The following DPP6 variants were observed in gnomAD, a reference collection of about 807,000 sequenced individuals.
DPP6 encodes the protein A-type potassium channel modulatory protein DPP6.
Under a neutral mutation model 122.6 loss-of-function variants are expected in DPP6, and 69 were observed. That is an observed-to-expected ratio of 0.56 (90% CI 0.46 to 0.69). The LOEUF is 0.69. DPP6 is among the 30% of genes least tolerant of loss of function. The pLI is 0.00. For missense variants in DPP6, 928 were observed against 1,116.9 expected (o/e 0.83, Z 2.41); for synonymous variants, 418 against 433.1 (o/e 0.97, Z 0.43).
the DPP6 span, among the ~76,000 whole-genome samples, chr7:153,814,362 T>A: frequency 6.8e-6 from 1 of 146,358 alleles, no homozygotes; most frequent in African/African-American, 2.6e-5. Flanking sequence ...CTAGAAGAAA[T>A]GGATAAATTC....
intron 1 of DPP6, among the ~76,000 whole-genome samples, chr7:154,016,083 C>T (rs550857977): frequency 9.8e-5 from 15 of 152,310 alleles, no homozygotes; most frequent in Non-Finnish European, 1.6e-4. Flanking sequence ...TCCTCTGCCC[C>T]GAAGGCTCTC....
rs142554294 is a variant in DPP6, at chr7:154,634,769, C to T, written c.628-3052C>T. ...ATAGGGTTATTTTAATTGCTCTCCC[C>T]GTTTCTTATGAGCACCACTTAAAAG... is the stretch of plus-strand genomic sequence containing the variant. On this transcript the variant is annotated intron_variant, in intron 5 of 25. Transcript: ENST00000377770. Among the ~76,000 whole-genome samples, 144 of 151,862 alleles carry T rather than the reference C, an allele frequency of 9.5e-4. 1 individual carries two copies. Among genetic ancestry groups the T allele is most frequent in the African/African-American group, 3.3e-3 (136 of 41,390 alleles).
Position 154,308,580 on chromosome 7 carries a change from T to C in DPP6, c.244-137634T>C, listed in dbSNP as rs192210322. ...ACTGAGACTCCTCGGTGAAAATGGC[T>C]GAGCATTGGCTGCACCTGACCTCTG... On this transcript the variant is annotated intron_variant, in intron 1 of 25. Coordinates refer to ENST00000377770, the MANE Select transcript of DPP6 (RefSeq NM_130797.4). Among the ~76,000 whole-genome samples the C allele has an allele frequency of 3.1e-3, 472 of 152,318 alleles. 2 individuals are homozygous for C. Among genetic ancestry groups the C allele is most frequent in the Non-Finnish European group, 5.0e-3 (342 of 68,026 alleles).
At chr7:154,428,194 T>A (rs1331990903) in intron 1 of DPP6, among the ~76,000 whole-genome samples, 1 of 152,194 alleles carries the variant, frequency 6.6e-6, no homozygotes, top group Non-Finnish European at 1.5e-5. Flanking sequence ...TTCACAGACT[T>A]TCATAAAATA....
rs945816893 is a variant in DPP6, at chr7:154,863,929, T to C, written c.1715-4066T>C. Among the ~76,000 whole-genome samples, 3 of 152,036 alleles carry C rather than the reference T, an allele frequency of 2.0e-5. No homozygotes were observed. The highest frequency in any genetic ancestry group is 1.9e-4 in the East Asian group (1 of 5,166). On this transcript the variant is annotated intron_variant, in intron 17 of 25. Coordinates refer to ENST00000377770, the MANE Select transcript of DPP6 (RefSeq NM_130797.4). The surrounding 1 kb of genome is among the most constrained non-coding windows in gnomAD (Gnocchi z 4.1). ...TCGAATATGACTAATGGCCTAGCCC[T>C]GGGGTAAGCGGACGGCAGCTGCAAG... is the stretch of plus-strand genomic sequence containing the variant.
chr7:153,847,275 C>T, the DPP6 span, among the ~76,000 whole-genome samples: 17 of 152,028 alleles, frequency 1.1e-4, no homozygotes, highest in Non-Finnish European at 2.4e-4. Context: ...TGTATATTTC[C>T]CTGCTGGGAT....
intron 8 of DPP6, among the ~76,000 whole-genome samples, chr7:154,735,520 C>G (rs1237035248): frequency 6.6e-6 from 1 of 152,208 alleles, no homozygotes; most frequent in Non-Finnish European, 1.5e-5. Flanking sequence ...TCATTCTGAG[C>G]AGGAGTCTGA....
upstream of DPP6, among the ~76,000 whole-genome samples, chr7:154,050,138 A>AT: frequency 6.6e-6 from 1 of 152,228 alleles, no homozygotes; most frequent in Non-Finnish European, 1.5e-5. Flanking sequence ...CCCAGCACAA[A>AT]TTTTTACTTC....
chr7:154,531,076 C>T (rs1051347857), intron 3 of DPP6, among the ~76,000 whole-genome samples: 1 of 152,100 alleles, frequency 6.6e-6, no homozygotes, highest in South Asian at 2.1e-4. Flanking sequence ...ATGGGTCGAT[C>T]TCTGCAGCAA....
At chr7:153,802,605 A>T in the DPP6 span, among the ~76,000 whole-genome samples, 1 of 152,028 alleles carries the variant, frequency 6.6e-6, no homozygotes. Context: ...TCAATTATTG[A>T]TGTTGTAAAA....
At chr7:154,847,721 T>C (rs1417358494) in intron 16 of DPP6, among the ~76,000 whole-genome samples, 1 of 152,188 alleles carries the variant, frequency 6.6e-6, no homozygotes, top group Non-Finnish European at 1.5e-5. Context: ...AATGCATTAT[T>C]ATTACCTAGA....
chr7:154,587,014 GA>G (rs1209106273), intron 5 of DPP6, among the ~76,000 whole-genome samples: 2 of 152,198 alleles, frequency 1.3e-5, no homozygotes, highest in Non-Finnish European at 2.9e-5. Flanking sequence ...ACAAGCAAGG[GA>G]AAAATGGGAA....
At chr7:153,848,134 C>G in the DPP6 span, among the ~76,000 whole-genome samples, 104 of 152,266 alleles carry the variant, frequency 6.8e-4, no homozygotes, top group Middle Eastern at 0.01. Context: ...TAAAGAGTCA[C>G]AGCGGCTGAG....
At chr7:154,767,054 C>T (rs141170859) in intron 8 of DPP6, among the ~76,000 whole-genome samples, 234 of 152,280 alleles carry the variant, frequency 1.5e-3, no homozygotes, top group African/African-American at 5.5e-3. Flanking sequence ...TGAGTTGTCT[C>T]TTCGGGGGTT....
intron 1 of DPP6, chr7:154,092,815 G>A (rs567810153): frequency 6.6e-6 from 1 of 151,952 alleles, no homozygotes; most frequent in South Asian, 2.1e-4. Context: ...TCCTAGTTTG[G>A]GCATGCATTG....
rs566567658 is a variant in DPP6 at position 154,033,512 on chromosome 7, TA to T, written c.51+145780del. Among the ~76,000 whole-genome samples the T allele has an allele frequency of 4.4e-3, 674 of 152,360 alleles. 6 individuals carry two copies. The highest frequency in any genetic ancestry group is 0.015 in the African/African-American group (635 of 41,586). Reference sequence around the variant, plus strand: ...GGAACTCCTGGCTACGCTGCCTTCCTAACCTGGTCAAGGAATGTTCATTCTT... The same window carrying T: ...GGAACTCCTGGCTACGCTGCCTTCCTACCTGGTCAAGGAATGTTCATTCTT... On this transcript the variant is annotated intron_variant, in intron 1 of 25. Transcript: ENST00000404039.
chr7:153,785,793 C>T, the DPP6 span, among the ~76,000 whole-genome samples: 1 of 152,054 alleles, frequency 6.6e-6, no homozygotes, highest in African/African-American at 2.4e-5. Context: ...CCTGGGACTA[C>T]TGGTGTGTGT....
intron 1 of DPP6, among the ~76,000 whole-genome samples, chr7:154,321,440 C>T (rs1253838714): frequency 6.6e-6 from 1 of 152,024 alleles, no homozygotes; most frequent in Non-Finnish European, 1.5e-5. Context: ...GGAGATTTTT[C>T]ACCCTGGTTC....
chr7:154,341,423 A>T (rs1159882393), intron 1 of DPP6, among the ~76,000 whole-genome samples: 1 of 152,042 alleles, frequency 6.6e-6, no homozygotes, highest in Non-Finnish European at 1.5e-5. Flanking sequence ...GAAATCTACA[A>T]TCGCATGTGC....
Sources: allele counts gnomAD v4.1 joint callset (sites outside exome capture counted in the v4.1 genomes callset), GRCh38; gene constraint gnomAD v4.1.1; non-coding constraint Gnocchi (gnomAD v3.1); transcripts MANE v1.5; gene names NCBI Gene and HGNC (gene_info 2026-07-23, HGNC 2026-07-21).